Variants in MLLT1 observed in about 807,000 individuals in gnomAD.
The protein encoded by MLLT1 is protein ENL.
In MLLT1, 11 loss-of-function variants were observed where a neutral mutation model predicts 55.1. That is an observed-to-expected ratio of 0.20 (90% CI 0.13 to 0.33). MLLT1 has a LOEUF of 0.33. Among genes scored for constraint, MLLT1 ranks in the 10% least tolerant of loss-of-function variants. The pLI is 1.00. For synonymous variants in MLLT1, 323 were observed against 320.1 expected (o/e 1.01, Z -0.10); for missense variants, 536 against 760.6 (o/e 0.70, Z 3.47).
intron 1 of MLLT1, among the ~76,000 whole-genome samples, chr19:6,279,392 G>GCCC (rs2091445035): frequency 6.6e-6 from 1 of 152,086 alleles, no homozygotes; most frequent in Non-Finnish European, 1.5e-5. Context: ...GGAGCTCTGG[G>GCCC]CCAGGCTGAA....
At chr19:6,267,878 A>T (rs540557617) in intron 2 of MLLT1, among the ~76,000 whole-genome samples, 1 of 152,302 alleles carries the variant, frequency 6.6e-6, no homozygotes, top group South Asian at 2.1e-4. Context: ...CTCAGTGGAG[A>T]GTCAGAAAAC....
intron 3 of MLLT1, among the ~76,000 whole-genome samples, chr19:6,257,494 C>A (rs1376128165): frequency 6.6e-6 from 1 of 151,452 alleles, no homozygotes; most frequent in Non-Finnish European, 1.5e-5. Context: ...CAAAAACAAA[C>A]AACCTAATTC....
intron 1 of MLLT1, among the ~76,000 whole-genome samples, chr19:6,276,030 G>C (rs972736066): frequency 6.6e-6 from 1 of 152,306 alleles, no homozygotes; most frequent in Non-Finnish European, 1.5e-5. Context: ...GGTGGGCCTG[G>C]CTGCAAAGGG....
chr19:6,263,058 C>A (rs563238224), intron 2 of MLLT1: 1 of 152,326 alleles, frequency 6.6e-6, no homozygotes, highest in Non-Finnish European at 1.5e-5. Flanking sequence ...GTGGCACACA[C>A]CTGTAATCCC....
In MLLT1 at chr19:6,227,026, A is replaced by T. The variant is rs1032330894; in HGVS notation, c.497T>A (p.Leu166His). The part of the protein sequence containing the change: ...PDYPMLPTIP[L>H]SAFSDPKKTK... ...CTTCTTGGGGTCAGAGAAGGCAGAG[A>T]GTGGAATTGTGGGTAACATGGGGTA... Residue 166 changes from leucine (L) to histidine (H), a missense_variant, in exon 5 of 12, where the codon CTC (leucine) becomes CAC (histidine). Physicochemically the swap from Leu to His is moderately conservative, Grantham distance 99. Coordinates refer to ENST00000252674, the MANE Select transcript of MLLT1 (RefSeq NM_005934.4). This position sits in a 1 kb window ranked among gnomAD's most constrained non-coding sequence, Gnocchi z 5.1. 6.2e-7 allele frequency: 1 copy of T among 1,606,838 alleles called. No individual in the cohort carries two copies. Among genetic ancestry groups the T allele is most frequent in the Non-Finnish European group, 8.5e-7 (1 of 1,177,280 alleles).
chr19:6,267,328 T>C (rs2091356612), intron 2 of MLLT1, among the ~76,000 whole-genome samples: 1 of 151,716 alleles, frequency 6.6e-6, no homozygotes, highest in Non-Finnish European at 1.5e-5. Context: ...GGTCTTGAAT[T>C]CTTGACCTCA....
chr19:6,258,014 A>G (rs10412736), intron 3 of MLLT1, among the ~76,000 whole-genome samples: 4,063 of 152,300 alleles, frequency 0.027, 191 homozygotes, highest in African/African-American at 0.092. Context: ...CTGGAGAAAC[A>G]GGAACCCTCA....
chr19:6,234,263 G>A (rs993446222), intron 3 of MLLT1, among the ~76,000 whole-genome samples: 1 of 152,258 alleles, frequency 6.6e-6, no homozygotes, highest in Non-Finnish European at 1.5e-5. Context: ...AGGTGGTGAC[G>A]CCGACCCTGG....
chr19:6,234,105 A>G (rs1026159063), intron 3 of MLLT1, among the ~76,000 whole-genome samples: 1 of 152,230 alleles, frequency 6.6e-6, no homozygotes, highest in Non-Finnish European at 1.5e-5. Context: ...AAGGATGGCC[A>G]GGAGCTGGTT....
intron 3 of MLLT1, among the ~76,000 whole-genome samples, chr19:6,234,090 G>A (rs1416318042): frequency 6.6e-6 from 1 of 152,258 alleles, no homozygotes; most frequent in Non-Finnish European, 1.5e-5. Flanking sequence ...GCTGTGGTGG[G>A]GCTGAAGGAT....
chr19:6,225,891 C>T (rs1448990024), intron 5 of MLLT1, among the ~76,000 whole-genome samples: 1 of 152,200 alleles, frequency 6.6e-6, no homozygotes, highest in Non-Finnish European at 1.5e-5. Context: ...TGCCAAGATC[C>T]CCAGCAAGAG....
intron 3 of MLLT1, among the ~76,000 whole-genome samples, chr19:6,261,632 T>G: frequency 7.5e-6 from 1 of 132,756 alleles, no homozygotes; most frequent in African/African-American, 2.9e-5. Context: ...GTTGTTTTAA[T>G]CATTAGGCCA....
intron 3 of MLLT1, among the ~76,000 whole-genome samples, chr19:6,252,405 C>T (rs905939022): frequency 6.6e-6 from 1 of 152,166 alleles, no homozygotes; most frequent in African/African-American, 2.4e-5. Flanking sequence ...CAATAAGTTC[C>T]CTCTCGTATC....
rs950793801 is a variant in MLLT1, at chr19:6,227,348, G to A, written c.421-246C>T. ...GATGGCTGGGACCAGGTGGGGCCAC[G>A]CGGCCTTCCGGGAACAGTGGACCGG... On this transcript the variant is annotated intron_variant, in intron 4 of 11. Transcript: ENST00000252674. This position sits in a 1 kb window ranked among gnomAD's most constrained non-coding sequence, Gnocchi z 5.1. 2.0e-5 allele frequency among the ~76,000 whole-genome samples: 3 copies of A among 152,196 alleles called. No individual in the cohort carries two copies. The highest frequency in any genetic ancestry group is 7.2e-5 in the African/African-American group (3 of 41,452).
At chr19:6,243,189 C>A (rs2091132252) in intron 3 of MLLT1, among the ~76,000 whole-genome samples, 1 of 152,192 alleles carries the variant, frequency 6.6e-6, no homozygotes, top group Non-Finnish European at 1.5e-5. Context: ...CTGAAAGAGA[C>A]CCCGAGAGCC....
chr19:6,252,892 G>A (rs1284668330), intron 3 of MLLT1, among the ~76,000 whole-genome samples: 1 of 152,090 alleles, frequency 6.6e-6, no homozygotes, highest in Non-Finnish European at 1.5e-5. Context: ...AAAGAATTAT[G>A]AGAATACTAT....
chr19:6,213,903 T>A, intron 9 of MLLT1, 36 bp downstream of exon 9: 2 of 1,489,690 alleles, frequency 1.3e-6, no homozygotes, highest in Non-Finnish European at 9.1e-7. Flanking sequence ...AAGCCCGGCC[T>A]CTGGTGCACC....
At chr19:6,237,601 C>CAAA (rs1232206376) in intron 3 of MLLT1, among the ~76,000 whole-genome samples, 1 of 97,196 alleles carries the variant, frequency 1.0e-5, no homozygotes, top group South Asian at 3.2e-4. Flanking sequence ...ACTAAAAATA[C>CAAA]AAAAAAAAAA....
At chr19:6,271,302 C>T (rs2091393562) in intron 1 of MLLT1, among the ~76,000 whole-genome samples, 2 of 152,252 alleles carry the variant, frequency 1.3e-5, no homozygotes, top group South Asian at 4.1e-4. Context: ...TTGACTCCAG[C>T]ATTTTCATTC....
Sources: gnomAD v4.1 joint callset for allele counts (sites outside exome capture counted in the v4.1 genomes callset) on GRCh38, gnomAD v4.1.1 for gene constraint, Gnocchi (gnomAD v3.1) non-coding constraint, MANE v1.5 for transcripts, NCBI Gene and HGNC (gene_info 2026-07-23, HGNC 2026-07-21) for gene names.